Variants in BBX observed in about 807,000 individuals in gnomAD.
The protein encoded by BBX is HMG box transcription factor BBX.
In BBX, 30 loss-of-function variants were observed where a neutral mutation model predicts 100.2. The observed-to-expected ratio is 0.30, with a 90% CI of 0.22 to 0.41. The LOEUF (loss-of-function observed/expected upper bound fraction) is 0.41. BBX is among the 10% of genes least tolerant of loss of function. The pLI is 1.00. For missense variants in BBX, 1,023 were observed against 1,129.8 expected, an observed-to-expected ratio of 0.91 and a Z score of 1.35; for synonymous variants, 376 against 388.1, an observed-to-expected ratio of 0.97 and a Z score of 0.37.
intron 2 of BBX, among the ~76,000 whole-genome samples, chr3:107,570,571 T>G (rs2051278956): frequency 6.6e-6 from 1 of 152,094 alleles, no homozygotes; most frequent in South Asian, 2.1e-4. Flanking sequence ...TCCAGCCACC[T>G]CTTTAAGAGG....
intron 2 of BBX, among the ~76,000 whole-genome samples, chr3:107,641,087 CT>C (rs11403529): frequency 7.8e-4 from 109 of 139,378 alleles, no homozygotes; most frequent in Middle Eastern, 3.7e-3. Flanking sequence ...TCTTTTCTTT[CT>C]TTTTTTTTTT....
chr3:107,632,786 T>G (rs1420523855), intron 2 of BBX, among the ~76,000 whole-genome samples: 1 of 152,212 alleles, frequency 6.6e-6, no homozygotes, highest in East Asian at 1.9e-4. Flanking sequence ...CAGCTAAAAA[T>G]ATGCTGAAAA....
At chr3:107,661,423 G>C (rs887313676) in intron 3 of BBX, among the ~76,000 whole-genome samples, 5 of 152,030 alleles carry the variant, frequency 3.3e-5, no homozygotes, top group Non-Finnish European at 7.4e-5. Context: ...TCTAAACTGG[G>C]AAAAATACTT....
chr3:107,624,880 A>T lies in BBX; in HGVS notation c.-83-20956A>T, dbSNP rs2056059670. 5.3e-5 allele frequency among the ~76,000 whole-genome samples: 8 copies of T among 152,210 alleles called. No individual in the cohort carries two copies. In the South Asian group the frequency reaches 1.7e-3, roughly 32 times the overall value. ...CAAGACTCCATATCAAAAAAAGAAA[A>T]AATAAAAAGTAGTTTACTTAGGAGA... On this transcript the variant is annotated intron_variant, in intron 2 of 17. Coordinates refer to ENST00000325805, the MANE Select transcript of BBX (RefSeq NM_001142568.3).
At chr3:107,563,945 C>G (rs1228237625) in intron 2 of BBX, among the ~76,000 whole-genome samples, 1 of 152,230 alleles carries the variant, frequency 6.6e-6, no homozygotes, top group African/African-American at 2.4e-5. Flanking sequence ...TACCTTGTCA[C>G]TTAGGTGTGT....
In BBX at chr3:107,806,485, G is replaced by C. The variant is rs781339238; in HGVS notation, c.*1028G>C. On this transcript the variant is annotated 3_prime_UTR_variant, in exon 18 of 18. Transcript: ENST00000325805. Reference sequence around the variant, plus strand: ...CAGATTGGCTGGACGGGTTGCAATTGCTATGCACAGCCTGATTGGCACTGC... The same window carrying C: ...CAGATTGGCTGGACGGGTTGCAATTCCTATGCACAGCCTGATTGGCACTGC... The C allele has an allele frequency of 2.0e-5, 3 of 152,176 alleles. No homozygotes were observed. Among genetic ancestry groups the C allele is most frequent in the Non-Finnish European group, 4.4e-5 (3 of 68,064 alleles). The allele number at this position is 152,176 out of a possible 1,614,324, so 9.4% of individuals were successfully genotyped here. A position where few individuals can be genotyped will look rare whatever the true frequency, so the allele number is the denominator to read the frequency against.
At chr3:107,600,593 C>T (rs2053992869) in intron 2 of BBX, among the ~76,000 whole-genome samples, 1 of 152,138 alleles carries the variant, frequency 6.6e-6, no homozygotes. Context: ...ATCTTTGAAA[C>T]CTTTTATTCA....
chr3:107,743,003 C>T (rs772109884), intron 7 of BBX, among the ~76,000 whole-genome samples: 7 of 152,086 alleles, frequency 4.6e-5, no homozygotes, highest in Non-Finnish European at 7.4e-5. Flanking sequence ...GTCACTATTT[C>T]TTGTGAATTG....
chr3:107,778,994 C>CATATATATATAT (rs1286419462), intron 13 of BBX, among the ~76,000 whole-genome samples: 766 of 67,570 alleles, frequency 0.011, 6 homozygotes, highest in Middle Eastern at 0.025. Context: ...CCTCCAGCAA[C>CATATATATATAT]ATATATATAT....
At chr3:107,725,538 T>C (rs1215525138) in intron 5 of BBX, among the ~76,000 whole-genome samples, 2 of 152,098 alleles carry the variant, frequency 1.3e-5, no homozygotes, top group African/African-American at 4.8e-5. Flanking sequence ...GGAAAAGTAA[T>C]GTTGAGGCTC....
At chr3:107,652,856 A>G (rs369154400) in intron 3 of BBX, among the ~76,000 whole-genome samples, 4 of 152,228 alleles carry the variant, frequency 2.6e-5, no homozygotes, top group African/African-American at 4.8e-5. Context: ...AAACATATGT[A>G]TATATGTATA....
chr3:107,540,830 A>C lies in BBX; in HGVS notation c.-84+14432A>C, dbSNP rs375011515. 6.9e-4 allele frequency among the ~76,000 whole-genome samples: 105 copies of C among 152,256 alleles called. 1 individual carries two copies. The South Asian group carries it at 0.021, about 31-fold the overall frequency. On this transcript the variant is annotated intron_variant, in intron 2 of 17. Coordinates refer to ENST00000325805, the MANE Select transcript of BBX (RefSeq NM_001142568.3). The stretch of plus-strand genomic sequence containing the variant: ...ACCTATACTATTACAATTAGTACTG[A>C]ATTTATTTATAAATACATAAAACAA...
chr3:107,714,717 A>G (rs549731800), intron 4 of BBX, among the ~76,000 whole-genome samples: 1 of 151,944 alleles, frequency 6.6e-6, no homozygotes, highest in African/African-American at 2.4e-5. Context: ...TGACCTCAAG[A>G]TTTTTTCTGT....
chr3:107,675,551 G>A (rs1451108783), intron 3 of BBX, among the ~76,000 whole-genome samples: 1 of 152,098 alleles, frequency 6.6e-6, no homozygotes, highest in Non-Finnish European at 1.5e-5. Flanking sequence ...GATCATGGAG[G>A]AGCTCAGTTT....
chr3:107,527,546 T>G (rs2047867312), intron 2 of BBX, among the ~76,000 whole-genome samples: 1 of 152,240 alleles, frequency 6.6e-6, no homozygotes, highest in Non-Finnish European at 1.5e-5. Context: ...AAATATACTT[T>G]CATGTTATTG....
intron 7 of BBX, among the ~76,000 whole-genome samples, chr3:107,742,865 T>C (rs146170398): frequency 5.9e-5 from 9 of 152,212 alleles, no homozygotes; most frequent in African/African-American, 2.2e-4. Flanking sequence ...ATTGAACTTT[T>C]AAACTTTCTG....
chr3:107,608,953 T>G (rs2054639123), intron 2 of BBX, among the ~76,000 whole-genome samples: 1 of 152,302 alleles, frequency 6.6e-6, no homozygotes, highest in South Asian at 2.1e-4. Context: ...TAATAGTTTT[T>G]GGGGGAATCT....
At chr3:107,735,482 T>A (rs1312149104) in intron 7 of BBX, among the ~76,000 whole-genome samples, 2 of 152,102 alleles carry the variant, frequency 1.3e-5, no homozygotes, top group Non-Finnish European at 2.9e-5. Flanking sequence ...AAAAATGCCA[T>A]GACAGAACCC....
Position 107,810,557 on chromosome 3 carries a change from C to T in BBX, c.*5100C>T, listed in dbSNP as rs2071245246. ...ATCACAGAGACATGCATGTTTCATG[C>T]ATTAACACTGATTTCGCTCTGTGGC... On this transcript the variant is annotated 3_prime_UTR_variant, in exon 18 of 18. Coordinates refer to ENST00000325805, the MANE Select transcript of BBX (RefSeq NM_001142568.3). 3 of 152,206 alleles carry T rather than the reference C, an allele frequency of 2.0e-5. No individual in the cohort carries two copies. The allele number at this position is 152,206 out of a possible 1,614,324, so 9.4% of individuals were successfully genotyped here.
Sources: gnomAD v4.1 joint callset for allele counts (sites outside exome capture counted in the v4.1 genomes callset) on GRCh38, gnomAD v4.1.1 for gene constraint, MANE v1.5 for transcripts, NCBI Gene and HGNC (gene_info 2026-07-23, HGNC 2026-07-21) for gene names.